The following NRXN1 variants were observed in gnomAD, a reference collection of about 807,000 sequenced individuals.
NRXN1 encodes the protein neurexin 1.
NRXN1 carries 39 observed loss-of-function variants against 150.9 expected under a neutral mutation model. The observed-to-expected ratio is 0.26, with a 90% CI of 0.20 to 0.34. The LOEUF (loss-of-function observed/expected upper bound fraction) is 0.34, where lower values mean the gene tolerates loss of function less well. Ranked by LOEUF, NRXN1 falls within the 10% of genes least tolerant of loss-of-function variation. The pLI is 1.00. For missense variants in NRXN1, 1,815 were observed against 1,949.9 expected (o/e 0.93, Z 1.30); for synonymous variants, 924 against 757.0 (o/e 1.22, Z -3.62).
intron 17 of NRXN1, among the ~76,000 whole-genome samples, chr2:50,269,630 T>C (rs978503909): frequency 6.6e-5 from 10 of 152,326 alleles, no homozygotes; most frequent in South Asian, 2.1e-4. Flanking sequence ...AGTAAAAATA[T>C]GTTTTTAAAA....
intron 5 of NRXN1, among the ~76,000 whole-genome samples, chr2:50,787,714 A>T (rs1410221973): frequency 1.3e-5 from 1 of 75,436 alleles, no homozygotes; most frequent in East Asian, 4.5e-4. Flanking sequence ...ACATGTATTA[A>T]AAAAAAAAAA....
intron 8 of NRXN1, among the ~76,000 whole-genome samples, chr2:50,567,187 T>G (rs1573577990): frequency 6.6e-6 from 1 of 152,190 alleles, no homozygotes; most frequent in South Asian, 2.1e-4. Flanking sequence ...TTTTGAATGT[T>G]AAGAATTCTT....
At chr2:50,683,896 GA>G (rs1407908184) in intron 5 of NRXN1, among the ~76,000 whole-genome samples, 6 of 151,460 alleles carry the variant, frequency 4.0e-5, no homozygotes, top group Non-Finnish European at 8.8e-5. Flanking sequence ...AAAGGAGCAA[GA>G]AAAGTTTTCT....
intron 5 of NRXN1, among the ~76,000 whole-genome samples, chr2:50,631,652 C>A (rs1314194309): frequency 6.6e-6 from 1 of 151,896 alleles, no homozygotes; most frequent in South Asian, 2.1e-4. Flanking sequence ...AACTCTAGTA[C>A]GATAATTTTC....
At chr2:50,084,062 G>A (rs1201909650) in intron 19 of NRXN1, among the ~76,000 whole-genome samples, 2 of 152,118 alleles carry the variant, frequency 1.3e-5, no homozygotes, top group African/African-American at 4.8e-5. Flanking sequence ...GCAGATTGGT[G>A]CATCCACAAA....
At chr2:50,488,792 G>C (rs1026305116) in intron 15 of NRXN1, among the ~76,000 whole-genome samples, 2 of 152,296 alleles carry the variant, frequency 1.3e-5, no homozygotes, top group South Asian at 2.1e-4. Context: ...GAATGAGAGA[G>C]ATATTGTCAG....
intron 8 of NRXN1, among the ~76,000 whole-genome samples, chr2:50,580,450 C>T (rs189709086): frequency 8.0e-4 from 122 of 152,242 alleles, no homozygotes; most frequent in Admixed American, 2.6e-3. Context: ...CTGAAAATGT[C>T]TATAATTATT....
chr2:50,323,003 AT>A (rs780160921), intron 17 of NRXN1, among the ~76,000 whole-genome samples: 2 of 152,238 alleles, frequency 1.3e-5, no homozygotes, highest in Non-Finnish European at 2.9e-5. Context: ...ATATATTAGA[AT>A]TTAGTGGAAT....
chr2:50,575,063 T>C (rs1671204827), intron 8 of NRXN1, among the ~76,000 whole-genome samples: 1 of 152,166 alleles, frequency 6.6e-6, no homozygotes, highest in Non-Finnish European at 1.5e-5. Flanking sequence ...GAGGTGGAAA[T>C]GGTTGCCAAT....
At chr2:49,995,780 C>CAAAA (rs1163315598) in intron 21 of NRXN1, among the ~76,000 whole-genome samples, 727 of 36,342 alleles carry the variant, frequency 0.02, 52 homozygotes, top group Middle Eastern at 0.083. Flanking sequence ...GACTCCGTCT[C>CAAAA]AAAAAAAAAA....
intron 5 of NRXN1, among the ~76,000 whole-genome samples, chr2:50,648,820 G>T (rs1462916529): frequency 6.7e-6 from 1 of 150,220 alleles, no homozygotes; most frequent in Non-Finnish European, 1.5e-5. Context: ...CCAAGGACTT[G>T]CTTAAACTAT....
chr2:50,662,275 C>A lies in NRXN1; in HGVS notation c.833-38660G>T, dbSNP rs1268461488. Among the ~76,000 whole-genome samples the A allele has an allele frequency of 3.9e-5, 6 of 151,926 alleles. No homozygotes were observed. The East Asian group carries it at 1.2e-3, about 30-fold the overall frequency. On this transcript the variant is annotated intron_variant, in intron 5 of 22. Transcript: ENST00000401669. ...CTTTGCACAGGGAGTTAGTGGCCAC[C>A]TACATGGTATGTTTTGAAACATACA...
chr2:50,174,041 T>TA (rs1166312603), intron 18 of NRXN1, among the ~76,000 whole-genome samples: 13 of 151,840 alleles, frequency 8.6e-5, no homozygotes, highest in East Asian at 5.8e-4. Flanking sequence ...CCCACAAAAA[T>TA]AAAAAAAATT....
At chr2:50,096,148 A>G (rs1356344211) in intron 18 of NRXN1, among the ~76,000 whole-genome samples, 1 of 152,122 alleles carries the variant, frequency 6.6e-6, no homozygotes, top group East Asian at 1.9e-4. Context: ...TTCAAACAAC[A>G]GGCCCGACCC....
At chr2:50,757,626 A>T (rs1285566422) in intron 5 of NRXN1, among the ~76,000 whole-genome samples, 1 of 151,780 alleles carries the variant, frequency 6.6e-6, no homozygotes, top group African/African-American at 2.4e-5. Context: ...AAAATACCTT[A>T]ATCAAATGTG....
intron 5 of NRXN1, among the ~76,000 whole-genome samples, chr2:50,789,499 A>C: frequency 6.6e-6 from 1 of 152,230 alleles, no homozygotes; most frequent in East Asian, 1.9e-4. Context: ...AGAACACTCT[A>C]AAATAAATAA....
intron 5 of NRXN1, among the ~76,000 whole-genome samples, chr2:50,703,111 A>C (rs1278012916): frequency 6.6e-6 from 1 of 152,160 alleles, no homozygotes; most frequent in Non-Finnish European, 1.5e-5. Flanking sequence ...CATTTCATTT[A>C]ATTGTAAATA....
intron 6 of NRXN1, among the ~76,000 whole-genome samples, chr2:50,622,343 G>C (rs1232288819): frequency 1.3e-5 from 2 of 152,160 alleles, no homozygotes; most frequent in Non-Finnish European, 2.9e-5. Flanking sequence ...CTGAAAGAGA[G>C]GGCTGTTTTG....
chr2:50,570,053 CTAAAT>C (rs1381669007), intron 8 of NRXN1, among the ~76,000 whole-genome samples: 1 of 152,052 alleles, frequency 6.6e-6, no homozygotes, highest in African/African-American at 2.4e-5. Flanking sequence ...TGGTTTACTA[CTAAAT>C]TAAAGAGCAA....
Sources: allele counts gnomAD v4.1 joint callset (sites outside exome capture counted in the v4.1 genomes callset), GRCh38; gene constraint gnomAD v4.1.1; transcripts MANE v1.5; gene names NCBI Gene and HGNC (gene_info 2026-07-23, HGNC 2026-07-21).